YWHAG: variants seen among roughly 807,000 people sequenced by gnomAD.
The protein encoded by YWHAG is tyrosine 3-monooxygenase/tryptophan 5-monooxygenase activation protein gamma.
A neutral mutation model predicts 23.3 loss-of-function variants in YWHAG; 1 was observed. The ratio of observed to expected loss-of-function variants is 0.04; its 90% confidence interval spans 0.02 to 0.20. The LOEUF (loss-of-function observed/expected upper bound fraction) is 0.20. YWHAG is among the 10% of genes least tolerant of loss of function. YWHAG has a pLI of 1.00. For synonymous variants in YWHAG, 160 were observed against 144.0 expected, an observed-to-expected ratio of 1.11 and a Z score of -0.80; for missense variants, 151 against 338.6, an observed-to-expected ratio of 0.45 and a Z score of 4.35.
At chr7:76,344,374 T>C (rs145059747) in intron 1 of YWHAG, among the ~76,000 whole-genome samples, 1 of 152,280 alleles carries the variant, frequency 6.6e-6, no homozygotes, top group East Asian at 1.9e-4. Flanking sequence ...GAATTAGGCT[T>C]GTTAAAACAT....
At chr7:76,338,767 T>C (rs1039681549) in intron 1 of YWHAG, among the ~76,000 whole-genome samples, 1 of 152,216 alleles carries the variant, frequency 6.6e-6, no homozygotes, top group Non-Finnish European at 1.5e-5. Flanking sequence ...ATTCTGTGAA[T>C]TGTTCTCTGA....
chr7:76,350,264 G>A (rs1241854336), intron 1 of YWHAG, among the ~76,000 whole-genome samples: 2 of 152,160 alleles, frequency 1.3e-5, no homozygotes, highest in Non-Finnish European at 2.9e-5. Flanking sequence ...CCTTCCTAGA[G>A]GACAAAGGGC....
intron 1 of YWHAG, among the ~76,000 whole-genome samples, chr7:76,337,263 G>C (rs1803629861): frequency 6.6e-6 from 1 of 152,122 alleles, no homozygotes; most frequent in Non-Finnish European, 1.5e-5. Flanking sequence ...GCTCACTGTT[G>C]CCAATCTGTT....
At chr7:76,346,616 T>C (rs1362781637) in intron 1 of YWHAG, among the ~76,000 whole-genome samples, 1 of 152,152 alleles carries the variant, frequency 6.6e-6, no homozygotes, top group East Asian at 1.9e-4. Context: ...TCTTTCTTCT[T>C]CTATCTCTGG....
chr7:76,332,019 A>G (rs962842621), intron 1 of YWHAG, among the ~76,000 whole-genome samples: 2 of 152,158 alleles, frequency 1.3e-5, no homozygotes, highest in Non-Finnish European at 2.9e-5. Context: ...CAAGTGCTAC[A>G]CGCTCAAATA....
At chr7:76,335,868 T>C (rs1324208923) in intron 1 of YWHAG, among the ~76,000 whole-genome samples, 2 of 152,210 alleles carry the variant, frequency 1.3e-5, no homozygotes, top group African/African-American at 2.4e-5. Context: ...GGGAATCACC[T>C]GAACCTGAGA....
intron 1 of YWHAG, among the ~76,000 whole-genome samples, chr7:76,347,796 CTT>C (rs1234727190): frequency 6.6e-6 from 1 of 152,218 alleles, no homozygotes; most frequent in Non-Finnish European, 1.5e-5. Context: ...AGATCTGTTT[CTT>C]TTGAGTGAGG....
chr7:76,335,336 G>A (rs1583984535), intron 1 of YWHAG, among the ~76,000 whole-genome samples: 1 of 152,216 alleles, frequency 6.6e-6, no homozygotes, highest in African/African-American at 2.4e-5. Flanking sequence ...GATTACAGGC[G>A]TGAGCCACCG....
chr7:76,347,073 C>T (rs1030235637), intron 1 of YWHAG, among the ~76,000 whole-genome samples: 1 of 152,164 alleles, frequency 6.6e-6, no homozygotes, highest in African/African-American at 2.4e-5. Context: ...ACTGCGCAGG[C>T]ATCACTTCCT....
chr7:76,358,734 C>A lies in YWHAG; in HGVS notation c.75G>T (p.Ala25=), dbSNP rs752997843. The part of the protein sequence containing the change: ...EQAERYDDMA[A]AMKNVTELNE... Reference sequence around the variant, plus strand: ...AGGAGACACTCACGTTCTTCATGGCCGCGGCCATGTCGTCGTAGCGCTCCG... The same window carrying A: ...AGGAGACACTCACGTTCTTCATGGCAGCGGCCATGTCGTCGTAGCGCTCCG... The change falls in exon 1 of 2, where the codon GCG becomes GCT. Residue 25 remains alanine, a synonymous_variant. Coordinates refer to ENST00000307630, the MANE Select transcript of YWHAG (RefSeq NM_012479.4). 6.3e-7 allele frequency: 1 copy of A among 1,591,220 alleles called. No individual in the cohort carries two copies. Among genetic ancestry groups the A allele is most frequent in the Non-Finnish European group, 8.5e-7 (1 of 1,170,306 alleles).
At chr7:76,348,721 G>A (rs1803824904) in intron 1 of YWHAG, among the ~76,000 whole-genome samples, 2 of 151,324 alleles carry the variant, frequency 1.3e-5, no homozygotes, top group Non-Finnish European at 2.9e-5. Flanking sequence ...TGTATTTTCT[G>A]TAGAGACAGG....
At chr7:76,345,475 C>T (rs865840714) in intron 1 of YWHAG, among the ~76,000 whole-genome samples, 2 of 151,880 alleles carry the variant, frequency 1.3e-5, no homozygotes, top group African/African-American at 2.4e-5. Context: ...CGTGAGCCAC[C>T]GTACCTGGCC....
chr7:76,348,376 C>T (rs1803819023), intron 1 of YWHAG, among the ~76,000 whole-genome samples: 1 of 150,844 alleles, frequency 6.6e-6, no homozygotes, highest in Non-Finnish European at 1.5e-5. Flanking sequence ...CATGCCTCAG[C>T]CTCCAAGCAG....
intron 1 of YWHAG, among the ~76,000 whole-genome samples, chr7:76,340,224 A>C (rs1803672451): frequency 6.6e-6 from 1 of 152,242 alleles, no homozygotes; most frequent in African/African-American, 2.4e-5. Flanking sequence ...TTTCACTAAC[A>C]ATCAATTCTA....
At chr7:76,354,058 C>CAAAAAAAAA (rs750620902) in intron 1 of YWHAG, among the ~76,000 whole-genome samples, 1 of 49,200 alleles carries the variant, frequency 2.0e-5, no homozygotes, top group African/African-American at 7.2e-5. Flanking sequence ...GACCTTGCCT[C>CAAAAAAAAA]AAAAAAAAAA....
chr7:76,329,497 CCACCCGA>C lies in YWHAG; in HGVS notation c.*73_*79del. The C allele has an allele frequency of 8.4e-7, 1 of 1,193,186 alleles. No individual in the cohort carries two copies. The highest frequency in any genetic ancestry group is 3.2e-5 in the East Asian group (1 of 31,308). 73.9% of individuals were successfully genotyped at this position (1,193,186 alleles called of 1,614,324 possible). On this transcript the variant is annotated 3_prime_UTR_variant, in exon 2 of 2. Coordinates refer to ENST00000307630, the MANE Select transcript of YWHAG (RefSeq NM_012479.4). This position sits in a 1 kb window ranked among gnomAD's most constrained non-coding sequence, Gnocchi z 6.1. ...AAGGTCATCCCTCCCTTTCCCTCCCCCACCCGACCCCCAACTCATGGGAAAAAAATAA... is the reference window on the plus strand; with the variant it reads ...AAGGTCATCCCTCCCTTTCCCTCCCCCCCCCAACTCATGGGAAAAAAATAA...
rs949506380 is a variant in YWHAG, at chr7:76,327,041, T to A, written c.*2536A>T. ...TTGTTCTCCAACACTGTAATAGTTA[T>A]AATTTCACCATGACAAACACCAGAC... On this transcript the variant is annotated 3_prime_UTR_variant, in exon 2 of 2. Coordinates refer to ENST00000307630, the MANE Select transcript of YWHAG (RefSeq NM_012479.4). 3.3e-5 allele frequency: 5 copies of A among 152,660 alleles called. No homozygotes were observed. The highest frequency in any genetic ancestry group is 7.3e-5 in the Non-Finnish European group (5 of 68,042). The allele number at this position is 152,660 out of a possible 1,614,324, so 9.5% of individuals were successfully genotyped here.
At chr7:76,355,632 C>A (rs1298446334) in intron 1 of YWHAG, among the ~76,000 whole-genome samples, 1 of 152,038 alleles carries the variant, frequency 6.6e-6, no homozygotes, top group Non-Finnish European at 1.5e-5. Flanking sequence ...CTGGAAGAGC[C>A]TGGGGGGGAG....
intron 1 of YWHAG, among the ~76,000 whole-genome samples, chr7:76,331,559 T>C (rs937747271): frequency 2.0e-5 from 3 of 152,092 alleles, no homozygotes; most frequent in Non-Finnish European, 4.4e-5. Context: ...ATTTTTTTTT[T>C]TTTTTTAGCT....
Sources: gnomAD v4.1 joint callset for allele counts (sites outside exome capture counted in the v4.1 genomes callset) on GRCh38, gnomAD v4.1.1 for gene constraint, Gnocchi (gnomAD v3.1) non-coding constraint, MANE v1.5 for transcripts, NCBI Gene and HGNC (gene_info 2026-07-23, HGNC 2026-07-21) for gene names.